Variants in SCLT1 observed in about 807,000 individuals in gnomAD.
SCLT1 encodes sodium channel-associated protein 1.
In SCLT1, 78 loss-of-function variants were observed where a neutral mutation model predicts 112.8. That is an observed-to-expected ratio of 0.69 (90% CI 0.58 to 0.83). SCLT1 has a LOEUF of 0.83. Among genes scored for constraint, SCLT1 ranks in the 40% least tolerant of loss-of-function variants. SCLT1 has a pLI of 0.00. For synonymous variants in SCLT1, 257 were observed against 254.7 expected, an observed-to-expected ratio of 1.01 and a Z score of -0.09; for missense variants, 747 against 770.4, an observed-to-expected ratio of 0.97 and a Z score of 0.36.
chr4:128,894,764 C>T (rs185013690), intron 18 of SCLT1, among the ~76,000 whole-genome samples: 108 of 152,140 alleles, frequency 7.1e-4, no homozygotes, highest in Admixed American at 3.0e-3. Context: ...CTGCAACCTC[C>T]GCCTCCCGCT....
At chr4:129,005,557 C>T (rs998398800) in intron 5 of SCLT1, among the ~76,000 whole-genome samples, 2 of 152,174 alleles carry the variant, frequency 1.3e-5, no homozygotes, top group South Asian at 4.1e-4. Context: ...AACACCTTTA[C>T]ACTGTTGGTG....
intron 14 of SCLT1, among the ~76,000 whole-genome samples, chr4:128,951,243 G>A (rs1336585062): frequency 6.6e-6 from 1 of 152,026 alleles, no homozygotes; most frequent in African/African-American, 2.4e-5. Context: ...GAGAAAATCT[G>A]TCTTAAAGTA....
chr4:128,877,351 A>C (rs767308439), intron 3 of SCLT1, among the ~76,000 whole-genome samples: 2 of 152,156 alleles, frequency 1.3e-5, no homozygotes, highest in Non-Finnish European at 2.9e-5. Context: ...TCTGGGATTG[A>C]GACCCGTAGG....
chr4:129,057,607 A>G (rs1200644518), intron 2 of SCLT1, among the ~76,000 whole-genome samples: 1 of 147,278 alleles, frequency 6.8e-6, no homozygotes, highest in Non-Finnish European at 1.5e-5. Flanking sequence ...CTCATTTCTC[A>G]TAATTGGTCT....
At chr4:129,065,422 A>G (rs1750391163) in intron 2 of SCLT1, among the ~76,000 whole-genome samples, 1 of 152,084 alleles carries the variant, frequency 6.6e-6, no homozygotes, top group African/African-American at 2.4e-5. Context: ...TAATGTTCAT[A>G]ATAAAACAGA....
chr4:128,968,533 C>CT (rs1740405478), intron 10 of SCLT1, among the ~76,000 whole-genome samples: 1 of 152,110 alleles, frequency 6.6e-6, no homozygotes, highest in Non-Finnish European at 1.5e-5. Context: ...CTTGAAGTCT[C>CT]TGTCTGCTAA....
chr4:128,998,574 A>T (rs1437256729), intron 7 of SCLT1, among the ~76,000 whole-genome samples: 1 of 151,912 alleles, frequency 6.6e-6, no homozygotes, highest in African/African-American at 2.4e-5. Flanking sequence ...TAAAAGAATG[A>T]TATTATTCAG....
At chr4:129,079,978 G>A (rs763377809) in intron 2 of SCLT1, among the ~76,000 whole-genome samples, 4 of 152,218 alleles carry the variant, frequency 2.6e-5, no homozygotes, top group Non-Finnish European at 5.9e-5. Flanking sequence ...AGTTGACTGC[G>A]ATGTTATCTG....
chr4:129,036,220 T>G (rs1747168555), intron 5 of SCLT1, among the ~76,000 whole-genome samples: 3 of 152,100 alleles, frequency 2.0e-5, no homozygotes, highest in Admixed American at 1.3e-4. Flanking sequence ...GAATCCATTT[T>G]TTTACACTTT....
At chr4:128,891,465 T>C (rs534434822) in intron 18 of SCLT1, among the ~76,000 whole-genome samples, 2 of 152,090 alleles carry the variant, frequency 1.3e-5, no homozygotes, top group African/African-American at 4.8e-5. Flanking sequence ...ATTTTATGTA[T>C]ATTTTGCCAA....
chr4:129,016,347 G>GTA (rs35303900), intron 5 of SCLT1, among the ~76,000 whole-genome samples: 115,177 of 151,752 alleles, frequency 0.76, 46,210 homozygotes, highest in South Asian at 0.9. Context: ...ACAGGCCCCA[G>GTA]TGTGTTGTTC....
chr4:129,058,765 G>T (rs1749683392), intron 2 of SCLT1, among the ~76,000 whole-genome samples: 1 of 152,064 alleles, frequency 6.6e-6, no homozygotes, highest in East Asian at 1.9e-4. Context: ...TTGTTTTTCT[G>T]TCTAGATGAT....
At chr4:129,019,743 T>A (rs1745293245) in intron 5 of SCLT1, among the ~76,000 whole-genome samples, 1 of 152,002 alleles carries the variant, frequency 6.6e-6, no homozygotes, top group Non-Finnish European at 1.5e-5. Flanking sequence ...ATTTCACTAA[T>A]CCAAGCCTCC....
chr4:128,950,625 C>T (rs1738644491), intron 14 of SCLT1, among the ~76,000 whole-genome samples: 2 of 152,002 alleles, frequency 1.3e-5, no homozygotes, highest in Admixed American at 1.3e-4. Flanking sequence ...AGTCTCAATA[C>T]ATATTAAGAA....
intron 18 of SCLT1, among the ~76,000 whole-genome samples, chr4:128,911,475 A>G (rs1016927413): frequency 6.6e-6 from 1 of 152,196 alleles, no homozygotes; most frequent in Non-Finnish European, 1.5e-5. Context: ...GGAATTAATA[A>G]GATATTACAA....
At chr4:128,968,010 T>C (rs1740360918) in intron 10 of SCLT1, among the ~76,000 whole-genome samples, 1 of 152,212 alleles carries the variant, frequency 6.6e-6, no homozygotes, top group Admixed American at 6.5e-5. Context: ...CAGGTCATTT[T>C]TCTATTGCTA....
chr4:129,026,482 A>C (rs1746096062), intron 5 of SCLT1, among the ~76,000 whole-genome samples: 1 of 152,140 alleles, frequency 6.6e-6, no homozygotes, highest in African/African-American at 2.4e-5. Context: ...GGCAGAAATA[A>C]AGATGTTCTT....
At chr4:129,007,649 A>G (rs1190590066) in intron 5 of SCLT1, among the ~76,000 whole-genome samples, 1 of 152,124 alleles carries the variant, frequency 6.6e-6, no homozygotes, top group Admixed American at 6.5e-5. Flanking sequence ...GGTTAAAAGC[A>G]TGTAATTGTG....
At chr4:128,997,726 T>C (rs1743130543) in intron 8 of SCLT1, 148 bp downstream of exon 8, 2 of 451,240 alleles carry the variant, frequency 4.4e-6, no homozygotes, top group Non-Finnish European at 7.9e-6. Flanking sequence ...GTAAACTGTG[T>C]CATGCTATTG....
Sources: allele counts gnomAD v4.1 joint callset (sites outside exome capture counted in the v4.1 genomes callset), GRCh38; gene constraint gnomAD v4.1.1; transcripts MANE v1.5; gene names NCBI Gene and HGNC (gene_info 2026-07-23, HGNC 2026-07-21).